Variants in ABCA13 observed in about 807,000 individuals in gnomAD.
The protein encoded by ABCA13 is ATP binding cassette subfamily A member 13.
A neutral mutation model predicts 478.7 loss-of-function variants in ABCA13; 476 were observed. That is an observed-to-expected ratio of 0.99 (90% CI 0.92 to 1.07). The LOEUF (loss-of-function observed/expected upper bound fraction) is 1.07. Among genes scored for constraint, ABCA13 ranks in the 50% least tolerant of loss-of-function variants. ABCA13 has a pLI of 0.00. For synonymous variants in ABCA13, 2,252 were observed against 2,158.9 expected, an observed-to-expected ratio of 1.04 and a Z score of -1.20; for missense variants, 6,060 against 5,910.6, an observed-to-expected ratio of 1.03 and a Z score of -0.83.
At chr7:48,554,542 C>A (rs567269509) in intron 55 of ABCA13, among the ~76,000 whole-genome samples, 27 of 151,634 alleles carry the variant, frequency 1.8e-4, no homozygotes, top group Non-Finnish European at 3.1e-4. Context: ...TCTCTCACTT[C>A]TTTGGTTGGG....
chr7:48,522,216 G>T (rs1832593212), intron 53 of ABCA13, among the ~76,000 whole-genome samples: 1 of 152,166 alleles, frequency 6.6e-6, no homozygotes, highest in Admixed American at 6.5e-5. Flanking sequence ...GGAATGGATA[G>T]ATCCTGCCTT....
intron 55 of ABCA13, among the ~76,000 whole-genome samples, chr7:48,557,259 G>A (rs913628126): frequency 1.3e-5 from 2 of 151,842 alleles, no homozygotes; most frequent in South Asian, 2.1e-4. Context: ...ATAATATTCT[G>A]TATTTTTCTG....
chr7:48,345,496 G>C (rs1807932989), intron 29 of ABCA13, among the ~76,000 whole-genome samples: 1 of 141,766 alleles, frequency 7.1e-6, no homozygotes, highest in Non-Finnish European at 1.5e-5. Flanking sequence ...CTAATGTGTG[G>C]TTTTGTGAGT....
rs760235505 is a variant in ABCA13 at position 48,372,149 on chromosome 7, T to A, written c.10804-19T>A. The A allele has an allele frequency of 3.8e-6, 6 of 1,596,626 alleles. No individual in the cohort carries two copies. The highest frequency in any genetic ancestry group is 5.1e-6 in the Non-Finnish European group (6 of 1,169,478). On this transcript the variant is annotated intron_variant, in intron 32 of 61. Coordinates refer to ENST00000435803, the MANE Select transcript of ABCA13 (RefSeq NM_152701.5). Reference sequence around the variant, plus strand: ...GTACGCATGCTGTGGTAACCTTGGGTTTTTTCTCTTTTTGGTAGTATATGC... The same window carrying A: ...GTACGCATGCTGTGGTAACCTTGGGATTTTTCTCTTTTTGGTAGTATATGC...
At chr7:48,421,355 G>A (rs770434485) in intron 41 of ABCA13, among the ~76,000 whole-genome samples, 8 of 152,132 alleles carry the variant, frequency 5.3e-5, no homozygotes, top group Non-Finnish European at 1.0e-4. Flanking sequence ...TTCCTTCCAT[G>A]TGTTTTAGTT....
At chr7:48,282,879 C>T (rs1797238744) in intron 19 of ABCA13, among the ~76,000 whole-genome samples, 1 of 152,154 alleles carries the variant, frequency 6.6e-6, no homozygotes, top group Non-Finnish European at 1.5e-5. Flanking sequence ...CTATTGATCA[C>T]TACAAACCTG....
intron 38 of ABCA13, among the ~76,000 whole-genome samples, chr7:48,397,734 A>G (rs1424279719): frequency 6.6e-6 from 1 of 152,200 alleles, no homozygotes; most frequent in African/African-American, 2.4e-5. Flanking sequence ...CAGCTATACT[A>G]TAAATGCATG....
At chr7:48,252,319 G>A (rs1384444531) in intron 15 of ABCA13, among the ~76,000 whole-genome samples, 1 of 151,960 alleles carries the variant, frequency 6.6e-6, no homozygotes, top group Non-Finnish European at 1.5e-5. Flanking sequence ...CAGAATTTCT[G>A]TCGGGTTCTT....
intron 48 of ABCA13, among the ~76,000 whole-genome samples, chr7:48,489,804 C>G (rs1361382799): frequency 6.6e-6 from 1 of 152,178 alleles, no homozygotes; most frequent in Admixed American, 6.6e-5. Flanking sequence ...GATTCATTAT[C>G]TATGCTTTCT....
At chr7:48,403,065 G>T (rs1230072565) in intron 38 of ABCA13, among the ~76,000 whole-genome samples, 3 of 152,232 alleles carry the variant, frequency 2.0e-5, no homozygotes, top group South Asian at 4.1e-4. Context: ...TTCACATGGG[G>T]AAGGCTTTGC....
intron 1 of ABCA13, among the ~76,000 whole-genome samples, chr7:48,189,021 T>C (rs538270548): frequency 2.6e-5 from 4 of 152,284 alleles, no homozygotes; most frequent in Admixed American, 2.6e-4. Flanking sequence ...CATTGTTTTG[T>C]TAACTGCTAA....
intron 41 of ABCA13, among the ~76,000 whole-genome samples, chr7:48,416,061 C>T (rs530694756): frequency 6.6e-6 from 1 of 152,304 alleles, no homozygotes; most frequent in African/African-American, 2.4e-5. Flanking sequence ...GAAGATCCCA[C>T]AGGAGTAAGA....
intron 7 of ABCA13, among the ~76,000 whole-genome samples, chr7:48,231,058 G>A (rs1191019365): frequency 2.0e-5 from 3 of 152,064 alleles, no homozygotes; most frequent in East Asian, 1.9e-4. Context: ...TAATGCATGC[G>A]GGTCTTAAAA....
chr7:48,338,494 A>T, intron 29 of ABCA13, 39 bp downstream of exon 29: 1 of 1,512,352 alleles, frequency 6.6e-7, no homozygotes, highest in Non-Finnish European at 8.9e-7. Context: ...TCTTCTGCCC[A>T]TATGGCTCTG....
chr7:48,390,841 G>A (rs1391063302), intron 37 of ABCA13, among the ~76,000 whole-genome samples: 1 of 152,164 alleles, frequency 6.6e-6, no homozygotes, highest in Non-Finnish European at 1.5e-5. Context: ...TCATCCATGG[G>A]TTGCAACTGA....
At chr7:48,461,765 A>G (rs1826269041) in intron 43 of ABCA13, among the ~76,000 whole-genome samples, 1 of 152,140 alleles carries the variant, frequency 6.6e-6, no homozygotes, top group African/African-American at 2.4e-5. Context: ...TGATGACGAC[A>G]TTCTCATTGT....
intron 8 of ABCA13, among the ~76,000 whole-genome samples, chr7:48,238,723 C>T (rs1790354924): frequency 6.6e-6 from 1 of 152,212 alleles, no homozygotes; most frequent in South Asian, 2.1e-4. Context: ...CCGCCTCGGC[C>T]TCCCAAAGTG....
intron 27 of ABCA13, among the ~76,000 whole-genome samples, chr7:48,320,070 A>G (rs1803212760): frequency 1.3e-5 from 2 of 152,194 alleles, no homozygotes; most frequent in South Asian, 4.1e-4. Context: ...AAAAAAAATG[A>G]TGGCCAAAAC....
intron 59 of ABCA13, among the ~76,000 whole-genome samples, chr7:48,631,442 T>A (rs911290478): frequency 1.3e-5 from 2 of 152,170 alleles, no homozygotes; most frequent in Non-Finnish European, 2.9e-5. Context: ...TTGTCAGCTT[T>A]GCTAAAGATT....
Sources: allele counts gnomAD v4.1 joint callset (sites outside exome capture counted in the v4.1 genomes callset), GRCh38; gene constraint gnomAD v4.1.1; transcripts MANE v1.5; gene names NCBI Gene and HGNC (gene_info 2026-07-23, HGNC 2026-07-21).